The following SEZ6L variants were observed in gnomAD, a reference collection of about 807,000 sequenced individuals.
The protein encoded by SEZ6L is seizure related 6 homolog like.
SEZ6L carries 37 observed loss-of-function variants against 106.2 expected under a neutral mutation model. The observed-to-expected ratio is 0.35, with a 90% CI of 0.27 to 0.46. The LOEUF (loss-of-function observed/expected upper bound fraction) is 0.46. Ranked by LOEUF, SEZ6L falls within the 20% of genes least tolerant of loss-of-function variation. The pLI is 1.00. For missense variants in SEZ6L, 1,172 were observed against 1,332.8 expected (o/e 0.88, Z 1.88); for synonymous variants, 541 against 570.4 (o/e 0.95, Z 0.73).
At chr22:26,340,688 G>A (rs1379706381) in intron 10 of SEZ6L, 56 bp downstream of exon 10, 5 of 1,473,376 alleles carry the variant, frequency 3.4e-6, no homozygotes, top group Non-Finnish European at 4.6e-6. Flanking sequence ...ACAGGTTAAG[G>A]TGGTTTCCTC....
chr22:26,208,513 T>TTGGATTC (rs1413629561), intron 1 of SEZ6L, among the ~76,000 whole-genome samples: 1 of 152,230 alleles, frequency 6.6e-6, no homozygotes, highest in African/African-American at 2.4e-5. Flanking sequence ...CTATTAGTTC[T>TTGGATTC]TGGCTTCTGG....
intron 1 of SEZ6L, among the ~76,000 whole-genome samples, chr22:26,223,130 CGTG>C (rs1397567019): frequency 2.0e-5 from 3 of 152,176 alleles, no homozygotes; most frequent in African/African-American, 7.2e-5. Context: ...TCACCCCAAA[CGTG>C]GTAGTCACAG....
chr22:26,185,796 T>G (rs567214232), intron 1 of SEZ6L, among the ~76,000 whole-genome samples: 6 of 152,230 alleles, frequency 3.9e-5, no homozygotes, highest in African/African-American at 1.4e-4. Context: ...CACTGAGGCT[T>G]GGAGAGGTTA....
rs1185222899 is a variant in SEZ6L, at chr22:26,340,453, G to A, written c.2033G>A (p.Ser678Asn). ...LDIQFLNLSN[S>N]DILTIYDGDE... The stretch of plus-strand genomic sequence containing the variant: ...CCTCCAAGCCTGAATCTGAGCAACA[G>A]TGACATCTTGACCATCTACGATGGC... The change falls in exon 10 of 17, where the codon AGT (serine) becomes AAT (asparagine). Residue 678 changes from serine to asparagine, a missense_variant. By Grantham distance (46) the Ser-to-Asn change is conservative. Coordinates refer to ENST00000248933, the MANE Select transcript of SEZ6L (RefSeq NM_021115.5). 6.2e-6 allele frequency: 10 copies of A among 1,613,170 alleles called. No individual in the cohort carries two copies. Among genetic ancestry groups the A allele is most frequent in the Non-Finnish European group, 8.5e-6 (10 of 1,179,690 alleles).
chr22:26,352,238 T>G (rs2083305703), intron 12 of SEZ6L, among the ~76,000 whole-genome samples: 1 of 151,396 alleles, frequency 6.6e-6, no homozygotes, highest in Non-Finnish European at 1.5e-5. Context: ...AGTCATTGCA[T>G]AAGGAAAGCA....
At chr22:26,250,043 T>G (rs906981004) in intron 1 of SEZ6L, among the ~76,000 whole-genome samples, 2 of 152,190 alleles carry the variant, frequency 1.3e-5, no homozygotes, top group African/African-American at 4.8e-5. Context: ...TTGAGTTGAG[T>G]TCCTTGTATA....
intron 1 of SEZ6L, among the ~76,000 whole-genome samples, chr22:26,269,694 G>A (rs1248982376): frequency 6.6e-6 from 1 of 152,206 alleles, no homozygotes; most frequent in African/African-American, 2.4e-5. Flanking sequence ...GTCTTGTCAT[G>A]AGGCTAATAA....
chr22:26,193,003 A>C (rs769127382), intron 1 of SEZ6L, among the ~76,000 whole-genome samples: 22 of 152,222 alleles, frequency 1.4e-4, no homozygotes, highest in Non-Finnish European at 2.8e-4. Context: ...TTCACTGTAA[A>C]TCGTAATGAG....
At chr22:26,296,483 A>C (rs1160466372) in intron 3 of SEZ6L, among the ~76,000 whole-genome samples, 1 of 152,232 alleles carries the variant, frequency 6.6e-6, no homozygotes, top group Non-Finnish European at 1.5e-5. Context: ...ACATTCTGGT[A>C]GAATGCTTCT....
chr22:26,358,785 T>C (rs945609570), intron 12 of SEZ6L, among the ~76,000 whole-genome samples: 3 of 152,122 alleles, frequency 2.0e-5, no homozygotes, highest in African/African-American at 7.2e-5. Context: ...TAAATACAAT[T>C]TCTAGAGAAA....
chr22:26,272,427 G>A (rs531515599), intron 1 of SEZ6L, among the ~76,000 whole-genome samples: 1 of 152,252 alleles, frequency 6.6e-6, no homozygotes, highest in Admixed American at 6.5e-5. Flanking sequence ...TTGTGTTTGG[G>A]CCACAAAAAA....
At chr22:26,368,416 A>G (rs939573000) in intron 13 of SEZ6L, among the ~76,000 whole-genome samples, 5 of 152,376 alleles carry the variant, frequency 3.3e-5, no homozygotes, top group Admixed American at 3.3e-4. Context: ...TTATTCAGCC[A>G]TTAAAAGGAA....
chr22:26,176,532 T>C (rs1239949385), intron 1 of SEZ6L, among the ~76,000 whole-genome samples: 3 of 152,364 alleles, frequency 2.0e-5, no homozygotes, highest in Non-Finnish European at 4.4e-5. Context: ...TCCTGCAGCC[T>C]GGACTGTCAT....
intron 12 of SEZ6L, 55 bp from the exon 13 acceptor site, chr22:26,365,317 G>T: frequency 6.6e-7 from 1 of 1,511,404 alleles, no homozygotes; most frequent in South Asian, 1.2e-5. Context: ...TTCTGAGCAG[G>T]ACTCCCCAAA....
intron 9 of SEZ6L, among the ~76,000 whole-genome samples, chr22:26,322,921 C>G (rs756689525): frequency 1.3e-5 from 2 of 152,162 alleles, no homozygotes; most frequent in Non-Finnish European, 2.9e-5. Context: ...CTCACTCTCT[C>G]TCATTCATTC....
chr22:26,300,087 A>T (rs2081406787), intron 5 of SEZ6L, among the ~76,000 whole-genome samples: 1 of 152,160 alleles, frequency 6.6e-6, no homozygotes, highest in Non-Finnish European at 1.5e-5. Context: ...GATGTCAAGC[A>T]TCTTTTCATG....
chr22:26,236,736 CT>C (rs1433258949), intron 1 of SEZ6L, among the ~76,000 whole-genome samples: 2 of 152,114 alleles, frequency 1.3e-5, no homozygotes, highest in Non-Finnish European at 2.9e-5. Context: ...AAAACTAAGG[CT>C]GAATGTGCTA....
intron 1 of SEZ6L, among the ~76,000 whole-genome samples, chr22:26,184,198 C>T (rs555366857): frequency 3.0e-4 from 45 of 152,276 alleles, no homozygotes; most frequent in African/African-American, 1.1e-3. Flanking sequence ...TATCACTTGC[C>T]TTTCTCCTTT....
chr22:26,311,555 A>T (rs2081830974), intron 7 of SEZ6L, among the ~76,000 whole-genome samples: 1 of 152,134 alleles, frequency 6.6e-6, no homozygotes, highest in Non-Finnish European at 1.5e-5. Context: ...AGAGATTCTT[A>T]CTCCTATTTT....
Sources: allele counts gnomAD v4.1 joint callset (sites outside exome capture counted in the v4.1 genomes callset), GRCh38; gene constraint gnomAD v4.1.1; transcripts MANE v1.5; gene names NCBI Gene and HGNC (gene_info 2026-07-23, HGNC 2026-07-21).